Variants in ADGB observed in about 807,000 individuals in gnomAD.
ADGB encodes calpain-7-like protein.
ADGB carries 172 observed loss-of-function variants against 210.5 expected under a neutral mutation model. The ratio of observed to expected loss-of-function variants is 0.82; its 90% confidence interval spans 0.72 to 0.93. The LOEUF is 0.93. Among genes scored for constraint, ADGB ranks in the 40% least tolerant of loss-of-function variants. The probability of loss-of-function intolerance (pLI) is 0.00; values close to 1 mark genes in which losing one functional copy is unlikely to be tolerated. For synonymous variants in ADGB, 658 were observed against 662.7 expected (o/e 0.99, Z 0.11); for missense variants, 2,025 against 1,964.8 (o/e 1.03, Z -0.58).
Position 146,685,808 on chromosome 6 carries a change from A to G in ADGB, c.1291A>G (p.Ile431Val), listed in dbSNP as rs1389839245. Residue 431 changes from isoleucine to valine, a missense_variant, in exon 10 of 36, where the codon ATC becomes GTC. Ile to Val is a conservative substitution (Grantham distance 29). Coordinates refer to ENST00000397944, the MANE Select transcript of ADGB (RefSeq NM_024694.4). ...ACCTCTTTATTTGTTTGAAAACAAG[A>G]TCTTTTCATTAGAGAAGATGGTAAG... The part of the protein sequence containing the change: ...FTPLYLFENK[I>V]FSLEKMADSA... 6.5e-7 allele frequency: 1 copy of G among 1,536,404 alleles called. No homozygotes were observed. The highest frequency in any genetic ancestry group is 8.8e-7 in the Non-Finnish European group (1 of 1,139,422).
chr6:146,737,869 A>G (rs1339478195), intron 23 of ADGB, among the ~76,000 whole-genome samples: 2 of 152,162 alleles, frequency 1.3e-5, no homozygotes, highest in Non-Finnish European at 2.9e-5. Flanking sequence ...AGCCAAGACC[A>G]TTTCATGGAA....
At chr6:146,789,322 C>T (rs1239082418) in intron 33 of ADGB, among the ~76,000 whole-genome samples, 2 of 152,132 alleles carry the variant, frequency 1.3e-5, no homozygotes, top group East Asian at 3.9e-4. Context: ...GTGATCATGG[C>T]CCATTTGTCT....
At chr6:146,685,688 G>A (rs1206881250) in intron 9 of ADGB, 46 bp from the exon 10 acceptor site, 9 of 1,253,566 alleles carry the variant, frequency 7.2e-6, no homozygotes, top group Non-Finnish European at 9.7e-6. Context: ...CTGACAGACC[G>A]ATTTTGACTA....
At chr6:146,676,988 G>A (rs918067170) in intron 9 of ADGB, among the ~76,000 whole-genome samples, 3 of 152,132 alleles carry the variant, frequency 2.0e-5, no homozygotes, top group African/African-American at 7.2e-5. Context: ...TAGCCTCATT[G>A]TATAAAGGTC....
intron 29 of ADGB, among the ~76,000 whole-genome samples, chr6:146,781,267 C>T (rs1293554238): frequency 6.6e-6 from 1 of 150,642 alleles, no homozygotes; most frequent in South Asian, 2.1e-4. Flanking sequence ...GGCGTGAACC[C>T]GGGAGGTGGA....
At chr6:146,775,646 T>G (rs114121776) in intron 29 of ADGB, among the ~76,000 whole-genome samples, 2,264 of 152,218 alleles carry the variant, frequency 0.015, 57 homozygotes, top group African/African-American at 0.052. Context: ...AATTTGTCAT[T>G]CTCAAAAATA....
chr6:146,804,471 C>T (rs577745293), intron 35 of ADGB, among the ~76,000 whole-genome samples: 13 of 152,174 alleles, frequency 8.5e-5, no homozygotes, highest in African/African-American at 3.1e-4. Context: ...CCCATCTCAG[C>T]GCAAATATGT....
At chr6:146,686,458 T>C (rs1184744591) in intron 10 of ADGB, among the ~76,000 whole-genome samples, 2 of 152,110 alleles carry the variant, frequency 1.3e-5, no homozygotes, top group African/African-American at 4.8e-5. Flanking sequence ...TGTGTTTGTA[T>C]GTGTATACCT....
intron 3 of ADGB, among the ~76,000 whole-genome samples, chr6:146,645,234 T>C (rs1356434503): frequency 6.6e-6 from 1 of 152,054 alleles, no homozygotes; most frequent in Admixed American, 6.6e-5. Flanking sequence ...TGGTGCTTAT[T>C]AGCATTAATA....
intron 7 of ADGB, among the ~76,000 whole-genome samples, chr6:146,668,451 G>A (rs1775965793): frequency 6.6e-6 from 1 of 152,064 alleles, no homozygotes; most frequent in African/African-American, 2.4e-5. Flanking sequence ...AAACTGGAGG[G>A]TAGGAGCTGA....
rs542936274 is a variant in ADGB, at chr6:146,657,623, C to T, written c.612+643C>T. Among the ~76,000 whole-genome samples, 8 of 152,220 alleles carry T rather than the reference C, an allele frequency of 5.3e-5. No homozygotes were observed. The South Asian group carries it at 1.0e-3, about 20-fold the overall frequency. On this transcript the variant is annotated intron_variant, in intron 5 of 35. Coordinates refer to ENST00000397944, the MANE Select transcript of ADGB (RefSeq NM_024694.4). ...CTCTGCACTCTCATGCTGAGGCGAGCGGGGCAGGCAGGTGGATGCACCGGG... is the reference window on the plus strand; with the variant it reads ...CTCTGCACTCTCATGCTGAGGCGAGTGGGGCAGGCAGGTGGATGCACCGGG...
chr6:146,687,933 G>A (rs892589355), intron 10 of ADGB, among the ~76,000 whole-genome samples: 2 of 152,006 alleles, frequency 1.3e-5, no homozygotes, highest in East Asian at 1.9e-4. Context: ...TGAACTTTTG[G>A]TGTGCTACTG....
intron 22 of ADGB, among the ~76,000 whole-genome samples, chr6:146,735,267 A>G (rs1172358786): frequency 1.3e-5 from 2 of 152,178 alleles, no homozygotes; most frequent in East Asian, 1.9e-4. Context: ...AGACTGGGTT[A>G]TTTATAAAGA....
rs1179336055 is a variant in ADGB, at chr6:146,654,122, A to G, written c.331-13A>G. Reference sequence around the variant, plus strand: ...TTCTTATGGAGTAATATATACATATATATTTTTTTCAGACTCCAGTAGTTG... The same window carrying G: ...TTCTTATGGAGTAATATATACATATGTATTTTTTTCAGACTCCAGTAGTTG... On this transcript the variant is annotated splice_polypyrimidine_tract_variant and intron_variant, in intron 3 of 35. Transcript: ENST00000397944. 6.2e-6 allele frequency: 9 copies of G among 1,458,016 alleles called. No individual in the cohort carries two copies. The highest frequency in any genetic ancestry group is 8.4e-6 in the Non-Finnish European group (9 of 1,066,094). 90.3% of individuals were successfully genotyped at this position (1,458,016 alleles called of 1,614,324 possible).
intron 35 of ADGB, among the ~76,000 whole-genome samples, chr6:146,808,958 G>A (rs1017119199): frequency 1.3e-5 from 2 of 151,962 alleles, no homozygotes; most frequent in Admixed American, 1.3e-4. Context: ...GATCGTGGAG[G>A]CCGCGAAGGC....
intron 29 of ADGB, among the ~76,000 whole-genome samples, chr6:146,775,537 C>T (rs1349422064): frequency 6.6e-6 from 1 of 152,122 alleles, no homozygotes; most frequent in Non-Finnish European, 1.5e-5. Flanking sequence ...TGTATAATTA[C>T]TGGTGTTGTG....
chr6:146,721,753 C>G (rs191306991), intron 17 of ADGB, among the ~76,000 whole-genome samples: 182 of 152,182 alleles, frequency 1.2e-3, no homozygotes, highest in African/African-American at 4.2e-3. Flanking sequence ...CAGGACAATC[C>G]CTTGAACCCA....
intron 29 of ADGB, among the ~76,000 whole-genome samples, chr6:146,777,915 A>G (rs78705246): frequency 0.063 from 9,519 of 152,214 alleles, 995 homozygotes; most frequent in African/African-American, 0.21. Context: ...GGGCCTCAAG[A>G]TGTGCATTTT....
chr6:146,779,191 T>C (rs1405198848), intron 29 of ADGB, among the ~76,000 whole-genome samples: 1 of 152,210 alleles, frequency 6.6e-6, no homozygotes, highest in Non-Finnish European at 1.5e-5. Context: ...GTTTGATGAT[T>C]TCCTGGAAGA....
Sources: gnomAD v4.1 joint callset for allele counts (sites outside exome capture counted in the v4.1 genomes callset) on GRCh38, gnomAD v4.1.1 for gene constraint, MANE v1.5 for transcripts, NCBI Gene and HGNC (gene_info 2026-07-23, HGNC 2026-07-21) for gene names.